Variants in GULP1 observed in about 807,000 individuals in gnomAD.
The protein encoded by GULP1 is GULP PTB domain containing engulfment adaptor 1, also known as PTB domain-containing engulfment adapter protein 1.
A neutral mutation model predicts 40.9 loss-of-function variants in GULP1; 19 were observed. The ratio of observed to expected loss-of-function variants is 0.46; its 90% confidence interval spans 0.32 to 0.68. GULP1 has a LOEUF of 0.68. GULP1 is among the 30% of genes least tolerant of loss of function. GULP1 has a pLI of 0.03. For synonymous variants in GULP1, 119 were observed against 117.6 expected (o/e 1.01, Z -0.08); for missense variants, 312 against 362.2 (o/e 0.86, Z 1.12).
intron 2 of GULP1, among the ~76,000 whole-genome samples, chr2:188,432,470 A>C (rs968577444): frequency 2.6e-4 from 40 of 152,016 alleles, no homozygotes; most frequent in South Asian, 6.2e-4. Context: ...ATGGTTTTTA[A>C]ATTGTTTTGC....
At chr2:188,383,058 C>A (rs2049210293) in intron 1 of GULP1, among the ~76,000 whole-genome samples, 1 of 152,146 alleles carries the variant, frequency 6.6e-6, no homozygotes, top group African/African-American at 2.4e-5. Flanking sequence ...CCCCCTCCCT[C>A]AAAAAGATCA....
chr2:188,530,877 A>G (rs923561468), intron 6 of GULP1, among the ~76,000 whole-genome samples: 3 of 152,246 alleles, frequency 2.0e-5, no homozygotes, highest in Non-Finnish European at 4.4e-5. Flanking sequence ...ATTTAACTCC[A>G]ATTATTTTAT....
At chr2:188,376,442 C>T (rs1469874655) in intron 1 of GULP1, among the ~76,000 whole-genome samples, 1 of 152,058 alleles carries the variant, frequency 6.6e-6, no homozygotes, top group Non-Finnish European at 1.5e-5. Context: ...CTTTCCTAAT[C>T]TAATGATGGA....
At chr2:188,412,157 A>T (rs1420387770) in intron 2 of GULP1, among the ~76,000 whole-genome samples, 3 of 152,048 alleles carry the variant, frequency 2.0e-5, no homozygotes, top group Non-Finnish European at 4.4e-5. Context: ...GTCATGGTGG[A>T]AGGGGAAGCA....
rs760115712 is a variant in GULP1 at position 188,569,367 on chromosome 2, A to C, written c.516+12A>C. 1 of 1,234,610 alleles carries C rather than the reference A, an allele frequency of 8.1e-7. No individual in the cohort carries two copies. Among genetic ancestry groups the C allele is most frequent in the South Asian group, 1.2e-5 (1 of 83,608 alleles). The allele number at this position is 1,234,610 out of a possible 1,614,324, so 76.5% of individuals were successfully genotyped here. On this transcript the variant is annotated intron_variant, in intron 8 of 11. Coordinates refer to ENST00000409830, the MANE Select transcript of GULP1 (RefSeq NM_016315.4). ...GGTTACAAAAAAGAGTGAGTAAACT[A>C]AGCTTGTTGTTTTACATTTGTGTGA...
intron 1 of GULP1, among the ~76,000 whole-genome samples, chr2:188,323,539 A>AT (rs34217481): frequency 6.6e-6 from 1 of 151,826 alleles, no homozygotes; most frequent in Non-Finnish European, 1.5e-5. Flanking sequence ...AGAATCCTCA[A>AT]TTTTTTTGCT....
At chr2:188,502,629 G>C (rs2063536816) in intron 4 of GULP1, among the ~76,000 whole-genome samples, 2 of 151,872 alleles carry the variant, frequency 1.3e-5, no homozygotes, top group Admixed American at 1.3e-4. Context: ...GTGTGACACA[G>C]AGTAGGTGAC....
intron 7 of GULP1, among the ~76,000 whole-genome samples, chr2:188,562,011 G>A (rs78865849): frequency 0.011 from 1,671 of 152,200 alleles, 37 homozygotes; most frequent in African/African-American, 0.038. Context: ...CCCCACCCGT[G>A]GGAGCTTATT....
intron 1 of GULP1, among the ~76,000 whole-genome samples, chr2:188,377,232 T>C (rs1409317678): frequency 6.6e-6 from 1 of 152,078 alleles, no homozygotes; most frequent in Non-Finnish European, 1.5e-5. Context: ...CAAAGATATG[T>C]ACTATGGTTT....
At chr2:188,570,234 C>T in intron 9 of GULP1, 114 bp downstream of exon 9, 1 of 610,028 alleles carries the variant, frequency 1.6e-6, no homozygotes, top group South Asian at 2.0e-5. Context: ...TCAAAGTAAA[C>T]ATGGATAGAG....
intron 4 of GULP1, among the ~76,000 whole-genome samples, chr2:188,510,005 C>T (rs1046077125): frequency 2.6e-5 from 4 of 151,928 alleles, no homozygotes; most frequent in Non-Finnish European, 4.4e-5. Flanking sequence ...GAAATCATAA[C>T]GATAATCCAG....
intron 2 of GULP1, among the ~76,000 whole-genome samples, chr2:188,475,403 G>C (rs1002580680): frequency 6.6e-6 from 1 of 151,198 alleles, no homozygotes; most frequent in Non-Finnish European, 1.5e-5. Flanking sequence ...GTTTTTTTTT[G>C]TTGTTATTCT....
chr2:188,484,554 T>G (rs575198638), intron 4 of GULP1, among the ~76,000 whole-genome samples: 2 of 152,102 alleles, frequency 1.3e-5, no homozygotes, highest in Non-Finnish European at 2.9e-5. Flanking sequence ...TATAATATCT[T>G]TATAAGAGAA....
intron 1 of GULP1, among the ~76,000 whole-genome samples, chr2:188,352,557 C>G (rs1421030096): frequency 6.6e-6 from 1 of 151,578 alleles, no homozygotes; most frequent in Admixed American, 6.6e-5. Flanking sequence ...AAATTTTTCT[C>G]TCTCTCTTTT....
At chr2:188,456,170 C>T (rs186265538) in intron 2 of GULP1, among the ~76,000 whole-genome samples, 20 of 152,258 alleles carry the variant, frequency 1.3e-4, no homozygotes, top group Non-Finnish European at 2.8e-4. Flanking sequence ...AAAAGAAAAT[C>T]CCATTTTCTG....
At chr2:188,448,903 C>T (rs1166430775) in intron 2 of GULP1, among the ~76,000 whole-genome samples, 2 of 152,176 alleles carry the variant, frequency 1.3e-5, no homozygotes, top group Non-Finnish European at 2.9e-5. Context: ...CATGCCTGCT[C>T]CTGTTTTGCC....
chr2:188,335,913 A>G (rs985982511), intron 1 of GULP1, among the ~76,000 whole-genome samples: 7 of 152,136 alleles, frequency 4.6e-5, no homozygotes, highest in African/African-American at 1.7e-4. Flanking sequence ...GGGCTTTCTG[A>G]TTTAGATTAT....
At position 188,292,176 on chromosome 2, in the gene GULP1, T is replaced by C. The variant is rs1436801471; in HGVS notation, c.-172+10T>C. The C allele has an allele frequency of 6.6e-6, 1 of 152,278 alleles. No homozygotes were observed. The highest frequency in any genetic ancestry group is 1.5e-5 in the Non-Finnish European group (1 of 68,184). The allele number at this position is 152,278 out of a possible 1,614,324, so 9.4% of individuals were successfully genotyped here. ...TGCCTCTCTCAGTGAGGTACGGAGA[T>C]TTATCTAGGCTCTTCCCTGGCTGCG... is the stretch of plus-strand genomic sequence containing the variant. On this transcript the variant is annotated intron_variant, in intron 1 of 11. Transcript: ENST00000409830. This position sits in a 1 kb window ranked among gnomAD's most constrained non-coding sequence, Gnocchi z 4.0.
At chr2:188,327,476 A>C (rs1211424997) in intron 1 of GULP1, among the ~76,000 whole-genome samples, 1 of 152,160 alleles carries the variant, frequency 6.6e-6, no homozygotes, top group Non-Finnish European at 1.5e-5. Context: ...GTCAGATGAC[A>C]AAACTGTCAG....
Sources: gnomAD v4.1 joint callset for allele counts (sites outside exome capture counted in the v4.1 genomes callset) on GRCh38, gnomAD v4.1.1 for gene constraint, Gnocchi (gnomAD v3.1) non-coding constraint, MANE v1.5 for transcripts, NCBI Gene and HGNC (gene_info 2026-07-23, HGNC 2026-07-21) for gene names.